The following DRC9 variants were observed in gnomAD, a reference collection of about 807,000 sequenced individuals.
DRC9 encodes dynein regulatory complex subunit 9.
At chr3:197,943,942 C>T in the DRC9 span, 2 of 1,614,034 alleles carry the variant, frequency 1.2e-6, no homozygotes, top group Non-Finnish European at 1.7e-6. Flanking sequence ...ATGTCTGTTT[C>T]TTTAGGTATT....
At chr3:197,931,193 A>G in the DRC9 span, among the ~76,000 whole-genome samples, 1 of 151,998 alleles carries the variant, frequency 6.6e-6, no homozygotes, top group Non-Finnish European at 1.5e-5. Context: ...ATCCAAAGAG[A>G]GTTCCAGGCC....
chr3:197,903,374 T>G, the DRC9 span, among the ~76,000 whole-genome samples: 1 of 152,148 alleles, frequency 6.6e-6, no homozygotes, highest in Non-Finnish European at 1.5e-5. Context: ...AGGCCAGGTG[T>G]GGTGGCTCAC....
the DRC9 span, among the ~76,000 whole-genome samples, chr3:197,919,566 C>T: frequency 3.9e-5 from 6 of 152,248 alleles, no homozygotes; most frequent in Admixed American, 3.3e-4. Flanking sequence ...CTTCCAAATC[C>T]CAAAATTGCC....
the DRC9 span, chr3:197,950,918 C>G: frequency 1.2e-6 from 2 of 1,613,622 alleles, no homozygotes; most frequent in Admixed American, 3.3e-5. Flanking sequence ...TTAAACTAAT[C>G]TTTTTGTTTG....
At chr3:197,950,210 G>A in the DRC9 span, 5 of 1,231,506 alleles carry the variant, frequency 4.1e-6, no homozygotes, top group African/African-American at 3.1e-5. Flanking sequence ...CGCCATCTTG[G>A]CTCCTGTGGA....
the DRC9 span, among the ~76,000 whole-genome samples, chr3:197,919,493 T>A: frequency 1.3e-5 from 2 of 152,238 alleles, no homozygotes; most frequent in Non-Finnish European, 2.9e-5. Flanking sequence ...GGAACCTTCC[T>A]CGTGGTCAGG....
the DRC9 span, chr3:197,954,419 G>A: frequency 4.2e-6 from 2 of 474,172 alleles, no homozygotes; most frequent in South Asian, 2.1e-5. Context: ...TTGCAGCCTC[G>A]ACCTCCTGGG....
chr3:197,930,947 T>A, the DRC9 span, among the ~76,000 whole-genome samples: 1 of 149,430 alleles, frequency 6.7e-6, no homozygotes, highest in South Asian at 2.1e-4. Context: ...GGCAGGAGAA[T>A]CACTTGAACC....
chr3:197,908,432 G>A, the DRC9 span, among the ~76,000 whole-genome samples: 11 of 141,534 alleles, frequency 7.8e-5, no homozygotes, highest in South Asian at 2.3e-4. Context: ...AGGGGTGACT[G>A]TACCAGGTCT....
At chr3:197,899,504 T>A in the DRC9 span, among the ~76,000 whole-genome samples, 1 of 152,170 alleles carries the variant, frequency 6.6e-6, no homozygotes, top group African/African-American at 2.4e-5. Context: ...GGAGGATTGC[T>A]TGAGCCCAGG....
At chr3:197,925,864 G>A in the DRC9 span, among the ~76,000 whole-genome samples, 1 of 152,132 alleles carries the variant, frequency 6.6e-6, no homozygotes, top group Non-Finnish European at 1.5e-5. Context: ...GACTACAGGC[G>A]TGAGCCACCG....
chr3:197,903,107 G>A, the DRC9 span, among the ~76,000 whole-genome samples: 5 of 152,100 alleles, frequency 3.3e-5, no homozygotes, highest in African/African-American at 1.2e-4. Context: ...GAATGGTGCT[G>A]GGAAAACTGA....
chr3:197,953,618 T>C, the DRC9 span: 10 of 458,346 alleles, frequency 2.2e-5, no homozygotes, highest in Non-Finnish European at 4.4e-6. Flanking sequence ...CTTTGTTCCA[T>C]GGTCACCTCA....
the DRC9 span, among the ~76,000 whole-genome samples, chr3:197,901,800 G>T: frequency 1.3e-5 from 2 of 152,354 alleles, no homozygotes; most frequent in Non-Finnish European, 2.9e-5. The surrounding 1 kb of genome is among the most constrained non-coding windows in gnomAD (Gnocchi z 4.4). Flanking sequence ...GGCCTGGGGG[G>T]ACTGGCCACT....
the DRC9 span, among the ~76,000 whole-genome samples, chr3:197,934,215 G>A: frequency 4.5e-4 from 43 of 95,974 alleles, no homozygotes; most frequent in African/African-American, 1.8e-3. Flanking sequence ...CAAGAGTGTC[G>A]TTCTTGTTGC....
At chr3:197,946,206 C>T in the DRC9 span, among the ~76,000 whole-genome samples, 33,178 of 151,638 alleles carry the variant, frequency 0.22, 5,439 homozygotes, top group African/African-American at 0.47. Flanking sequence ...GAGGCCGAGG[C>T]AGGCGGATCA....
the DRC9 span, chr3:197,943,975 G>C: frequency 1.9e-6 from 3 of 1,614,072 alleles, no homozygotes; most frequent in Middle Eastern, 1.6e-4. Flanking sequence ...ACGGTACTAG[G>C]TGGTTCGCCT....
the DRC9 span, chr3:197,889,615 T>C: frequency 6.2e-7 from 1 of 1,614,244 alleles, no homozygotes; most frequent in East Asian, 2.2e-5. Context: ...TCCTTGCCTT[T>C]ACCTTTGCCT....
chr3:197,945,207 C>T, the DRC9 span, among the ~76,000 whole-genome samples: 1 of 152,210 alleles, frequency 6.6e-6, no homozygotes, highest in Non-Finnish European at 1.5e-5. Flanking sequence ...TCTCTCAAAT[C>T]TCTCACTGTG....
Sources: allele counts gnomAD v4.1 joint callset (sites outside exome capture counted in the v4.1 genomes callset), GRCh38; gene constraint gnomAD v4.1.1; non-coding constraint Gnocchi (gnomAD v3.1); transcripts MANE v1.5; gene names NCBI Gene and HGNC (gene_info 2026-07-23, HGNC 2026-07-21).